The following HSD11B1 variants were observed in gnomAD, a reference collection of about 807,000 sequenced individuals.
The protein encoded by HSD11B1 is hydroxysteroid 11-beta dehydrogenase 1, also known as 11-beta-hydroxysteroid dehydrogenase 1.
A neutral mutation model predicts 22.1 loss-of-function variants in HSD11B1; 15 were observed. The observed-to-expected ratio is 0.68, with a 90% confidence interval of 0.45 to 1.04. The LOEUF (loss-of-function observed/expected upper bound fraction) is 1.04, where lower values mean the gene tolerates loss of function less well. HSD11B1 is among the 50% of genes least tolerant of loss of function. The pLI, the probability that HSD11B1 is intolerant of heterozygous loss-of-function variation, is 0.00. For synonymous variants in HSD11B1, 122 were observed against 125.2 expected (o/e 0.97, Z 0.17); for missense variants, 281 against 357.6 (o/e 0.79, Z 1.73).
chr1:209,698,401 C>T (rs1322416497), intron 1 of HSD11B1, among the ~76,000 whole-genome samples: 1 of 152,186 alleles, frequency 6.6e-6, no homozygotes, highest in Non-Finnish European at 1.5e-5. Flanking sequence ...TGCTGACATC[C>T]CTGGAACCTT....
At chr1:209,720,286 C>T (rs910770304) in intron 4 of HSD11B1, among the ~76,000 whole-genome samples, 8 of 151,892 alleles carry the variant, frequency 5.3e-5, no homozygotes, top group Non-Finnish European at 7.4e-5. Flanking sequence ...TGGGGTGCAA[C>T]GTGAAGAACA....
upstream of HSD11B1, among the ~76,000 whole-genome samples, chr1:209,701,506 C>T (rs918481449): frequency 6.6e-6 from 1 of 152,178 alleles, no homozygotes; most frequent in African/African-American, 2.4e-5. Flanking sequence ...CAGCCAGACC[C>T]TATCAATTCT....
At chr1:209,720,247 G>T (rs1488811853) in intron 4 of HSD11B1, among the ~76,000 whole-genome samples, 1 of 152,088 alleles carries the variant, frequency 6.6e-6, no homozygotes, top group African/African-American at 2.4e-5. Flanking sequence ...CACCAGTAAT[G>T]GAATAAATTG....
chr1:209,732,014 G>A (rs2077038707), intron 4 of HSD11B1, among the ~76,000 whole-genome samples: 1 of 152,110 alleles, frequency 6.6e-6, no homozygotes, highest in Non-Finnish European at 1.5e-5. Context: ...GCCAGGACAG[G>A]CAGTTTTTTA....
At chr1:209,705,372 CAAAAAAAAA>C (rs5780533) in intron 1 of HSD11B1, among the ~76,000 whole-genome samples, 1 of 83,052 alleles carries the variant, frequency 1.2e-5, no homozygotes, top group Middle Eastern at 7.4e-3. Context: ...AAGTGGGAGG[CAAAAAAAAA>C]AAAAAAAAAA....
At chr1:209,693,057 A>G (rs1429775058) in intron 1 of HSD11B1, among the ~76,000 whole-genome samples, 2 of 152,208 alleles carry the variant, frequency 1.3e-5, no homozygotes, top group Non-Finnish European at 2.9e-5. Flanking sequence ...GAAATTAAGT[A>G]GCCATCCGAG....
chr1:209,722,321 T>C (rs1256268208), intron 4 of HSD11B1, among the ~76,000 whole-genome samples: 1 of 152,250 alleles, frequency 6.6e-6, no homozygotes, highest in Non-Finnish European at 1.5e-5. Flanking sequence ...AAACGCTCTT[T>C]CCTAGTGATC....
chr1:209,716,200 A>C (rs1158658247), intron 4 of HSD11B1, among the ~76,000 whole-genome samples: 1 of 152,202 alleles, frequency 6.6e-6, no homozygotes, highest in Non-Finnish European at 1.5e-5. Flanking sequence ...CGCTCCACAA[A>C]AAAACTCTTA....
At chr1:209,692,505 A>G (rs1206398759) in intron 1 of HSD11B1, among the ~76,000 whole-genome samples, 2 of 151,002 alleles carry the variant, frequency 1.3e-5, no homozygotes, top group Non-Finnish European at 2.9e-5. Flanking sequence ...GAAAGGAAAC[A>G]GGATTATTTC....
intron 1 of HSD11B1, among the ~76,000 whole-genome samples, chr1:209,687,668 C>T (rs1558183613): frequency 6.6e-6 from 1 of 152,182 alleles, no homozygotes; most frequent in Non-Finnish European, 1.5e-5. Context: ...CAGAGTCCCA[C>T]CCAGGAGCCT....
At chr1:209,732,290 C>T (rs1397251392) in intron 4 of HSD11B1, 146 bp from the exon 5 acceptor site, 1 of 859,526 alleles carries the variant, frequency 1.2e-6, no homozygotes, top group Non-Finnish European at 1.9e-6. Context: ...AAATTCAACA[C>T]AGCAGTATAA....
In HSD11B1 at chr1:209,704,847, C is replaced by T; in HGVS notation, c.-96C>T. 1.1e-6 allele frequency: 1 copy of T among 925,698 alleles called. No individual in the cohort carries two copies. The highest frequency in any genetic ancestry group is 1.8e-6 in the Non-Finnish European group (1 of 562,042). The allele number at this position is 925,698 out of a possible 1,614,324, so 57.3% of individuals were successfully genotyped here. On this transcript the variant is annotated 5_prime_UTR_variant, in exon 1 of 6. Transcript: ENST00000367027. ...CCAGCCTCCCCCGTCCCTGATGTCA[C>T]AATTCAGAGGCTGCTGCCTGCTTAG...
intron 4 of HSD11B1, among the ~76,000 whole-genome samples, chr1:209,723,345 A>C (rs774319092): frequency 1.3e-5 from 2 of 152,144 alleles, no homozygotes; most frequent in Non-Finnish European, 2.9e-5. Context: ...TTTACTTACT[A>C]ATTTTGTTGA....
Position 209,734,410 on chromosome 1 carries a change from G to A in HSD11B1, c.768G>A (p.Val256=), listed in dbSNP as rs1016059153. Reference sequence around the variant, plus strand: ...GGGGAGCTCTGCGCCAAGAAGAAGTGTATTATGACAGCTCACTCTGGACCA... The same window carrying A: ...GGGGAGCTCTGCGCCAAGAAGAAGTATATTATGACAGCTCACTCTGGACCA... ...IKGGALRQEE[V]YYDSSLWTTL... The change falls in exon 6 of 6, where the codon GTG becomes GTA. Residue 256 remains valine (V), a synonymous_variant. Transcript: ENST00000367027. 1.2e-5 allele frequency: 19 copies of A among 1,614,144 alleles called. No homozygotes were observed. The highest frequency in any genetic ancestry group is 1.5e-5 in the Non-Finnish European group (18 of 1,180,002).
At chr1:209,692,277 A>C (rs894185150) in intron 1 of HSD11B1, among the ~76,000 whole-genome samples, 4 of 152,156 alleles carry the variant, frequency 2.6e-5, no homozygotes, top group African/African-American at 9.7e-5. Flanking sequence ...GGGACTGTCA[A>C]AGAAAACCAG....
intron 4 of HSD11B1, among the ~76,000 whole-genome samples, chr1:209,708,925 T>C (rs1317825028): frequency 6.6e-6 from 1 of 152,222 alleles, no homozygotes; most frequent in African/African-American, 2.4e-5. Flanking sequence ...TTATTGCTTG[T>C]GTAGCCAAAA....
rs71143893 is a variant in HSD11B1, at chr1:209,709,937, A to AACACACACACACACACAC, written c.517+2829_517+2846dup. Reference sequence around the variant, plus strand: ...ACCCTCCAGGCCATCCCACATGTGAAACACACACACACACACACACACACA... The same window carrying AACACACACACACACACAC: ...ACCCTCCAGGCCATCCCACATGTGAAACACACACACACACACACACACACACACACACACACACACACA... On this transcript the variant is annotated intron_variant, in intron 4 of 5. Transcript: ENST00000367027. Among the ~76,000 whole-genome samples the AACACACACACACACACAC allele has an allele frequency of 1.0e-3, 149 of 143,882 alleles. No individual in the cohort carries two copies. The East Asian group carries it at 0.02, about 19-fold the overall frequency. 94.4% of individuals were successfully genotyped at this position (143,882 alleles called of 152,430 possible).
Position 209,706,620 on chromosome 1 carries a change from A to T in HSD11B1, c.220-89A>T, listed in dbSNP as rs2076860616. On this transcript the variant is annotated intron_variant, in intron 2 of 5. Coordinates refer to ENST00000367027, the MANE Select transcript of HSD11B1 (RefSeq NM_005525.4). This position sits in a 1 kb window ranked among gnomAD's most constrained non-coding sequence, Gnocchi z 4.0. ...TCTTACCTAAACAGGGCTGTGAGCA[A>T]TCTCTCATTTAAGCCCCCCGTTACT... The T allele has an allele frequency of 1.2e-6, 1 of 838,732 alleles. No individual in the cohort carries two copies. The highest frequency in any genetic ancestry group is 2.1e-6 in the Non-Finnish European group (1 of 475,818). The allele number at this position is 838,732 out of a possible 1,614,324, so 52.0% of individuals were successfully genotyped here.
intron 4 of HSD11B1, among the ~76,000 whole-genome samples, chr1:209,716,105 A>G (rs1408773724): frequency 1.3e-5 from 2 of 152,238 alleles, no homozygotes; most frequent in Non-Finnish European, 2.9e-5. Context: ...CAAGAGAAAG[A>G]AATAAAAGAC....
Sources: allele counts gnomAD v4.1 joint callset (sites outside exome capture counted in the v4.1 genomes callset), GRCh38; gene constraint gnomAD v4.1.1; non-coding constraint Gnocchi (gnomAD v3.1); transcripts MANE v1.5; gene names NCBI Gene and HGNC (gene_info 2026-07-23, HGNC 2026-07-21).